Variants in KCNIP4 observed in about 807,000 individuals in gnomAD.
The protein encoded by KCNIP4 is Kv channel-interacting protein 4.
In KCNIP4, 12 loss-of-function variants were observed where a neutral mutation model predicts 34.0. The observed-to-expected ratio is 0.35, with a 90% CI of 0.23 to 0.57. KCNIP4 has a LOEUF of 0.57. Ranked by LOEUF, KCNIP4 falls within the 20% of genes least tolerant of loss-of-function variation. KCNIP4 has a pLI of 0.83. For synonymous variants in KCNIP4, 124 were observed against 102.2 expected (o/e 1.21, Z -1.29); for missense variants, 238 against 311.7 (o/e 0.76, Z 1.78).
chr4:20,908,498 T>TA (rs1291913506), intron 1 of KCNIP4, among the ~76,000 whole-genome samples: 1 of 152,240 alleles, frequency 6.6e-6, no homozygotes, highest in Non-Finnish European at 1.5e-5. Flanking sequence ...TTTGTTTCTT[T>TA]ATGTCTTGAA....
At chr4:21,820,322 T>C (rs796808999) in intron 1 of KCNIP4, among the ~76,000 whole-genome samples, 126 of 135,822 alleles carry the variant, frequency 9.3e-4, no homozygotes, top group East Asian at 4.0e-3. Flanking sequence ...TATATATATA[T>C]ATACATATAT....
At chr4:20,921,103 G>T (rs1220986222) in intron 1 of KCNIP4, among the ~76,000 whole-genome samples, 1 of 152,178 alleles carries the variant, frequency 6.6e-6, no homozygotes, top group Admixed American at 6.5e-5. Flanking sequence ...CTACAGTCCA[G>T]TTAAGAGGTG....
rs562353041 is a variant in KCNIP4, at chr4:21,849,737, G to A, written c.61+98834C>T. The A allele has an allele frequency of 3.5e-4, 53 of 152,062 alleles. No individual in the cohort carries two copies. The East Asian group carries it at 3.7e-3, about 11-fold the overall frequency. 9.4% of individuals were successfully genotyped at this position (152,062 alleles called of 1,614,324 possible). On this transcript the variant is annotated intron_variant, in intron 1 of 8. Transcript: ENST00000382152. ...TACTAGATGTGAAAATTCTAAGGGA[G>A]TAGATGCTGCTCTTCAATAATCTTT...
At chr4:21,461,427 T>C (rs918844988) in intron 1 of KCNIP4, among the ~76,000 whole-genome samples, 28 of 151,918 alleles carry the variant, frequency 1.8e-4, no homozygotes, top group African/African-American at 6.3e-4. Context: ...TGTGAAGTTT[T>C]TTTTTTTCAC....
At position 21,503,740 on chromosome 4, in the gene KCNIP4, A is replaced by G. The variant is rs573049925; in HGVS notation, c.61+444831T>C. 5.9e-5 allele frequency among the ~76,000 whole-genome samples: 9 copies of G among 152,318 alleles called. No individual in the cohort carries two copies. The East Asian group carries it at 1.5e-3, about 26-fold the overall frequency. On this transcript the variant is annotated intron_variant, in intron 1 of 8. Coordinates refer to ENST00000382152, the MANE Select transcript of KCNIP4 (RefSeq NM_025221.6). ...ATGGTCATAGAGCAAGTGAGCAGGG[A>G]CATAGTTTAGCATTAATTCCCTAGA...
chr4:21,280,092 A>G (rs1470417104), intron 1 of KCNIP4, among the ~76,000 whole-genome samples: 4 of 152,210 alleles, frequency 2.6e-5, no homozygotes, highest in Admixed American at 1.3e-4. Flanking sequence ...TTGCATTAGC[A>G]GAATATACAG....
intron 1 of KCNIP4, among the ~76,000 whole-genome samples, chr4:21,689,983 T>C (rs1234426404): frequency 6.6e-6 from 1 of 151,856 alleles, no homozygotes; most frequent in African/African-American, 2.4e-5. Flanking sequence ...CACTGCTATA[T>C]CTCTATTAGG....
intron 1 of KCNIP4, among the ~76,000 whole-genome samples, chr4:20,883,081 A>C (rs2149525522): frequency 6.7e-6 from 1 of 149,624 alleles, no homozygotes; most frequent in East Asian, 2.0e-4. Context: ...ACTGGATTGA[A>C]ATTTCAATAT....
intron 2 of KCNIP4, among the ~76,000 whole-genome samples, chr4:20,857,934 C>A (rs75425075): frequency 6.6e-6 from 1 of 151,962 alleles, no homozygotes; most frequent in East Asian, 1.9e-4. Context: ...ATAGGCCGGG[C>A]GTGGTGGCTC....
intron 1 of KCNIP4, among the ~76,000 whole-genome samples, chr4:21,108,984 C>T (rs1231909885): frequency 5.3e-5 from 8 of 152,122 alleles, no homozygotes; most frequent in East Asian, 1.9e-4. Context: ...AGTACCCAGC[C>T]GTGTGAGGTG....
chr4:20,777,893 C>G (rs1756510176), intron 3 of KCNIP4, among the ~76,000 whole-genome samples: 1 of 152,192 alleles, frequency 6.6e-6, no homozygotes, highest in Non-Finnish European at 1.5e-5. Context: ...GTATAGAGAT[C>G]TCCCAAGGAA....
At chr4:21,842,643 T>C (rs186865523) in intron 1 of KCNIP4, among the ~76,000 whole-genome samples, 2 of 152,282 alleles carry the variant, frequency 1.3e-5, no homozygotes, top group East Asian at 3.9e-4. Context: ...TTTTTCTAAA[T>C]ATTGCATATT....
intron 1 of KCNIP4, among the ~76,000 whole-genome samples, chr4:21,418,834 C>A (rs187481946): frequency 3.9e-5 from 6 of 152,110 alleles, no homozygotes; most frequent in African/African-American, 1.4e-4. Flanking sequence ...TCCAATCATA[C>A]AGAAACATGA....
intron 1 of KCNIP4, among the ~76,000 whole-genome samples, chr4:21,879,208 G>A (rs1726317351): frequency 6.6e-6 from 1 of 152,176 alleles, no homozygotes; most frequent in African/African-American, 2.4e-5. Context: ...AAGGAACTTA[G>A]AGAGGTCTGA....
intron 1 of KCNIP4, among the ~76,000 whole-genome samples, chr4:21,595,382 A>G (rs951883194): frequency 6.6e-6 from 1 of 152,152 alleles, no homozygotes; most frequent in African/African-American, 2.4e-5. Context: ...TTCTTTATCC[A>G]GTCTATCATT....
intron 1 of KCNIP4, among the ~76,000 whole-genome samples, chr4:21,802,705 A>G (rs1414903204): frequency 6.6e-6 from 1 of 152,168 alleles, no homozygotes; most frequent in Non-Finnish European, 1.5e-5. Context: ...AAGGAAAATA[A>G]TGGTTGAGTG....
chr4:20,877,564 G>A (rs558548488), intron 2 of KCNIP4, among the ~76,000 whole-genome samples: 6 of 152,090 alleles, frequency 3.9e-5, no homozygotes, highest in South Asian at 2.1e-4. Context: ...TTCCTCATAT[G>A]TAAAATAGCC....
At chr4:20,924,462 A>G (rs1729705829) in intron 1 of KCNIP4, among the ~76,000 whole-genome samples, 2 of 152,118 alleles carry the variant, frequency 1.3e-5, no homozygotes, top group Non-Finnish European at 2.9e-5. Context: ...CCCTTTATAT[A>G]TTTTTAATAG....
chr4:21,145,251 C>T (rs749143232), intron 1 of KCNIP4, among the ~76,000 whole-genome samples: 1 of 152,096 alleles, frequency 6.6e-6, no homozygotes, highest in Non-Finnish European at 1.5e-5. Context: ...AACTTAGAGT[C>T]TCTACTATCA....
Sources: allele counts gnomAD v4.1 joint callset (sites outside exome capture counted in the v4.1 genomes callset), GRCh38; gene constraint gnomAD v4.1.1; transcripts MANE v1.5; gene names NCBI Gene and HGNC (gene_info 2026-07-23, HGNC 2026-07-21).